Variants in CFAP299 observed in about 807,000 individuals in gnomAD.
The protein encoded by CFAP299 is cilia and flagella associated protein 299, also known as cilia- and flagella-associated protein 299.
CFAP299 carries 21 observed loss-of-function variants against 27.0 expected under a neutral mutation model. The ratio of observed to expected loss-of-function variants is 0.78; its 90% CI spans 0.55 to 1.12. The LOEUF (loss-of-function observed/expected upper bound fraction) is 1.12, where lower values mean the gene tolerates loss of function less well. CFAP299 is among the 50% of genes most tolerant of loss of function. The pLI, the probability that CFAP299 is intolerant of heterozygous loss-of-function variation, is 0.00. For missense variants in CFAP299, 310 were observed against 276.6 expected, an observed-to-expected ratio of 1.12 and a Z score of -0.86; for synonymous variants, 104 against 98.1, an observed-to-expected ratio of 1.06 and a Z score of -0.36.
intron 2 of CFAP299, among the ~76,000 whole-genome samples, chr4:80,501,983 C>G (rs1731774226): frequency 6.6e-6 from 1 of 151,840 alleles, no homozygotes; most frequent in South Asian, 2.1e-4. Context: ...TTTGGGTTGT[C>G]TATTATTAAT....
At chr4:80,897,066 G>A (rs1287709428) in intron 4 of CFAP299, among the ~76,000 whole-genome samples, 1 of 152,084 alleles carries the variant, frequency 6.6e-6, no homozygotes, top group African/African-American at 2.4e-5. Context: ...AAATGAAAAA[G>A]GCATGGCAAA....
In CFAP299 at chr4:80,944,384, G is replaced by A. The variant is rs551886896; in HGVS notation, c.477-426G>A. Among the ~76,000 whole-genome samples the A allele has an allele frequency of 2.2e-4, 34 of 152,194 alleles. 1 individual carries two copies. The highest frequency in any genetic ancestry group is 3.4e-3 in the Middle Eastern group (1 of 294). ...AAACATATTATTGAGGAAAAAAAGC[G>A]GAGCCTGAAAGAAGTGAATTTATTT... On this transcript the variant is annotated intron_variant, in intron 4 of 5. Transcript: ENST00000358105.
chr4:80,869,773 A>G (rs906299383), intron 3 of CFAP299, among the ~76,000 whole-genome samples: 2 of 152,194 alleles, frequency 1.3e-5, no homozygotes, highest in African/African-American at 4.8e-5. Flanking sequence ...CGGCCTCCCA[A>G]AGTGCTGGGA....
chr4:80,833,349 G>A (rs1403854627), intron 3 of CFAP299, among the ~76,000 whole-genome samples: 2 of 151,994 alleles, frequency 1.3e-5, no homozygotes, highest in African/African-American at 4.8e-5. Context: ...GAGCTCGTGA[G>A]GCCCACTCAT....
At chr4:80,686,031 A>T (rs911490372) in intron 3 of CFAP299, among the ~76,000 whole-genome samples, 4 of 152,190 alleles carry the variant, frequency 2.6e-5, no homozygotes, top group African/African-American at 9.7e-5. Context: ...CAGATGTAAG[A>T]TGCTAAGAAC....
intron 2 of CFAP299, among the ~76,000 whole-genome samples, chr4:80,430,798 C>G (rs1255086346): frequency 6.6e-6 from 1 of 152,206 alleles, no homozygotes; most frequent in African/African-American, 2.4e-5. Context: ...CTCTTTCTCT[C>G]TCAGCACATC....
intron 2 of CFAP299, chr4:80,387,795 G>C: frequency 6.3e-7 from 1 of 1,583,820 alleles, no homozygotes; most frequent in Non-Finnish European, 8.7e-7. Context: ...ATGGGCACTT[G>C]AGTTTCTGAG....
chr4:80,538,000 C>T (rs1270994009), intron 2 of CFAP299, among the ~76,000 whole-genome samples: 1 of 152,058 alleles, frequency 6.6e-6, no homozygotes, highest in South Asian at 2.1e-4. Context: ...AGACTGCAGT[C>T]ATGTGCCACA....
chr4:80,690,448 G>C (rs973133426), intron 3 of CFAP299, among the ~76,000 whole-genome samples: 1 of 152,070 alleles, frequency 6.6e-6, no homozygotes, highest in African/African-American at 2.4e-5. Flanking sequence ...TGACTACTGG[G>C]TACATAACGA....
chr4:80,794,292 C>A (rs1465451958), intron 3 of CFAP299, among the ~76,000 whole-genome samples: 2 of 152,152 alleles, frequency 1.3e-5, no homozygotes, highest in Non-Finnish European at 2.9e-5. Context: ...GGAACTAAGA[C>A]CTCTAGGCCA....
chr4:80,685,220 C>G (rs937114141), intron 3 of CFAP299, among the ~76,000 whole-genome samples: 1 of 152,158 alleles, frequency 6.6e-6, no homozygotes, highest in Non-Finnish European at 1.5e-5. Context: ...ATTACTTATT[C>G]TAAGAAGCTC....
rs375395770 is a variant in CFAP299 at position 80,897,557 on chromosome 4, C to T, written c.476+27422C>T. On this transcript the variant is annotated intron_variant, in intron 4 of 5. Transcript: ENST00000358105. ...ATTCTAGGTTTAGCTTTCATAATAACTCTTAAAGCCATGCTGAAGAACTGA... is the reference window on the plus strand; with the variant it reads ...ATTCTAGGTTTAGCTTTCATAATAATTCTTAAAGCCATGCTGAAGAACTGA... Among the ~76,000 whole-genome samples, 12 of 152,012 alleles carry T rather than the reference C, an allele frequency of 7.9e-5. No homozygotes were observed. In the East Asian group the frequency reaches 9.7e-4, roughly 12 times the overall value.
intron 3 of CFAP299, among the ~76,000 whole-genome samples, chr4:80,847,957 A>G (rs1378163135): frequency 1.3e-5 from 2 of 152,068 alleles, no homozygotes; most frequent in Admixed American, 6.6e-5. Context: ...TGCCTGCAAT[A>G]CCAGCACTTT....
intron 2 of CFAP299, among the ~76,000 whole-genome samples, chr4:80,491,338 A>AC (rs1731123415): frequency 6.6e-6 from 1 of 152,204 alleles, no homozygotes; most frequent in African/African-American, 2.4e-5. Context: ...TCTGAATGCC[A>AC]GTTGATAAAA....
At chr4:80,714,674 G>GT (rs1371811942) in intron 3 of CFAP299, among the ~76,000 whole-genome samples, 1 of 151,952 alleles carries the variant, frequency 6.6e-6, no homozygotes, top group Non-Finnish European at 1.5e-5. Context: ...TAGTTTTTTA[G>GT]TTTTTTGTTT....
At chr4:80,644,316 C>T (rs949834457) in intron 3 of CFAP299, among the ~76,000 whole-genome samples, 21 of 152,232 alleles carry the variant, frequency 1.4e-4, no homozygotes, top group African/African-American at 5.1e-4. Context: ...GAGGGATTAG[C>T]AGGTTTATTT....
rs771728913 is a variant in CFAP299 at position 80,583,145 on chromosome 4, G to A, written c.295G>A (p.Ala99Thr). The A allele has an allele frequency of 2.5e-5, 40 of 1,605,778 alleles. No homozygotes were observed. The highest frequency in any genetic ancestry group is 3.1e-5 in the Non-Finnish European group (37 of 1,174,774). ...ACAAGATAATTTTCTGACGGCCCTG[G>A]CAATGAGAGAAGAAGACAATCGCAG... is the stretch of plus-strand genomic sequence containing the variant. ...DLQDNFLTAL[A>T]MREEDNRSGK... is the part of the protein sequence containing the mutation. Residue 99 changes from alanine (A) to threonine (T), a missense_variant, in exon 3 of 6, where the codon GCA becomes ACA. By Grantham distance (58) the Ala-to-Thr change is moderately conservative. Transcript: ENST00000358105.
intron 3 of CFAP299, among the ~76,000 whole-genome samples, chr4:80,753,278 A>T (rs1451065044): frequency 6.6e-6 from 1 of 151,722 alleles, no homozygotes; most frequent in African/African-American, 2.4e-5. Flanking sequence ...CTAGATTGAC[A>T]TAATTTTTTT....
chr4:80,897,347 G>A (rs1011615778), intron 4 of CFAP299, among the ~76,000 whole-genome samples: 1 of 152,146 alleles, frequency 6.6e-6, no homozygotes, highest in Non-Finnish European at 1.5e-5. Flanking sequence ...CAATTGACAG[G>A]AATGGTTAGC....
Sources: allele counts gnomAD v4.1 joint callset (sites outside exome capture counted in the v4.1 genomes callset), GRCh38; gene constraint gnomAD v4.1.1; transcripts MANE v1.5; gene names NCBI Gene and HGNC (gene_info 2026-07-23, HGNC 2026-07-21).